Variants in ATXN3 observed in about 807,000 individuals in gnomAD.
ATXN3 encodes ataxin-3.
ATXN3 carries 28 observed loss-of-function variants against 58.2 expected under a neutral mutation model. The observed-to-expected ratio is 0.48, with a 90% CI of 0.36 to 0.66. The LOEUF (loss-of-function observed/expected upper bound fraction) is 0.66. ATXN3 is among the 30% of genes least tolerant of loss of function. The probability of loss-of-function intolerance (pLI) is 0.00; values close to 1 mark genes in which losing one functional copy is unlikely to be tolerated. For missense variants in ATXN3, 321 were observed against 422.1 expected (o/e 0.76, Z 2.10); for synonymous variants, 113 against 138.5 (o/e 0.82, Z 1.29).
At chr14:92,051,459 A>C (rs927137429), upstream of ATXN3, among the ~76,000 whole-genome samples, 1 of 151,512 alleles carries the variant, frequency 6.6e-6, no homozygotes, top group South Asian at 2.1e-4. Flanking sequence ...GCTCTACTCT[A>C]CTCTGATTAT....
intron 10 of ATXN3, among the ~76,000 whole-genome samples, chr14:92,069,796 T>C (rs1162000402): frequency 2.0e-5 from 3 of 152,220 alleles, no homozygotes; most frequent in African/African-American, 7.2e-5. Context: ...AATGCCAAAC[T>C]GTTTTCCAAA....
downstream of ATXN3, among the ~76,000 whole-genome samples, chr14:92,056,473 A>G (rs952343812): frequency 6.6e-6 from 1 of 152,206 alleles, no homozygotes; most frequent in Non-Finnish European, 1.5e-5. Flanking sequence ...TACAACATGG[A>G]TGAACCTTGA....
intron 6 of ATXN3, 36 bp from the exon 7 acceptor site, chr14:92,083,294 A>G: frequency 6.4e-7 from 1 of 1,564,524 alleles, no homozygotes; most frequent in Non-Finnish European, 8.7e-7. Context: ...CTAACCAGTT[A>G]GTAAAGAGAT....
At chr14:92,098,325 C>T (rs1438923325) in intron 1 of ATXN3, among the ~76,000 whole-genome samples, 1 of 152,072 alleles carries the variant, frequency 6.6e-6, no homozygotes, top group African/African-American at 2.4e-5. Flanking sequence ...TGGTGGCTCA[C>T]ACCTGTAATC....
chr14:92,066,523 G>A (rs531271792), intron 10 of ATXN3, among the ~76,000 whole-genome samples: 1 of 150,476 alleles, frequency 6.6e-6, no homozygotes, highest in Non-Finnish European at 1.5e-5. Flanking sequence ...GTCTCCTGAA[G>A]ACAAATCGTT....
chr14:92,053,118 C>T (rs887305151), upstream of ATXN3, among the ~76,000 whole-genome samples: 10 of 152,062 alleles, frequency 6.6e-5, no homozygotes, highest in African/African-American at 7.2e-5. Context: ...GGCATGGTGG[C>T]GCATGCCTGT....
At chr14:92,055,915 C>T (rs1270668825), downstream of ATXN3, among the ~76,000 whole-genome samples, 1 of 152,096 alleles carries the variant, frequency 6.6e-6, no homozygotes, top group African/African-American at 2.4e-5. The surrounding 1 kb of genome is among the most constrained non-coding windows in gnomAD (Gnocchi z 4.5). Context: ...GAGCCAAGAT[C>T]GTGCCACTGC....
At chr14:92,065,130 C>G (rs7143907) in intron 10 of ATXN3, among the ~76,000 whole-genome samples, 43,157 of 152,090 alleles carry the variant, frequency 0.28, 6,493 homozygotes, top group African/African-American at 0.39. Context: ...TACCCACTTT[C>G]TCTAACTAGT....
In ATXN3 at chr14:92,082,033, T is replaced by C. The variant is rs55730538; in HGVS notation, c.775+267A>G. On this transcript the variant is annotated intron_variant, in intron 8 of 10. Transcript: ENST00000644486. ...AAGGGTCAACTGATACCCACAAAGA[T>C]TAAAACCACAATTTACTATTGTGTT... Among the ~76,000 whole-genome samples the C allele has an allele frequency of 2.0e-3, 300 of 152,328 alleles. 3 individuals are homozygous for C. The highest frequency in any genetic ancestry group is 0.012 in the East Asian group (63 of 5,182).
intron 1 of ATXN3, among the ~76,000 whole-genome samples, chr14:92,097,516 A>C (rs1595964333): frequency 6.9e-6 from 1 of 145,162 alleles, no homozygotes; most frequent in African/African-American, 2.6e-5. Flanking sequence ...GTGAGCCGCC[A>C]CACCTGGCCA....
chr14:92,100,020 T>G (rs2066404362), intron 1 of ATXN3, among the ~76,000 whole-genome samples: 1 of 152,168 alleles, frequency 6.6e-6, no homozygotes, highest in Non-Finnish European at 1.5e-5. Context: ...GACAGTCAAA[T>G]GGCTATAAAG....
chr14:92,077,056 A>T (rs562809949), intron 9 of ATXN3, among the ~76,000 whole-genome samples: 2 of 152,184 alleles, frequency 1.3e-5, no homozygotes, highest in East Asian at 3.9e-4. Flanking sequence ...ATATCCTTTA[A>T]CCCAATAATC....
chr14:92,089,838 T>C (rs2063397198), intron 5 of ATXN3, among the ~76,000 whole-genome samples: 1 of 152,172 alleles, frequency 6.6e-6, no homozygotes, highest in South Asian at 2.1e-4. Flanking sequence ...CTACACAAAG[T>C]TTTCCCATTA....
chr14:92,105,391 G>C (rs1477024759), intron 1 of ATXN3, among the ~76,000 whole-genome samples: 1 of 152,118 alleles, frequency 6.6e-6, no homozygotes, highest in Admixed American at 6.5e-5. Context: ...ACACCTGCCT[G>C]GGTGACAGAA....
intron 1 of ATXN3, among the ~76,000 whole-genome samples, chr14:92,103,748 G>C (rs1267183908): frequency 6.6e-6 from 1 of 152,216 alleles, no homozygotes; most frequent in Non-Finnish European, 1.5e-5. Context: ...GGTACTCAAA[G>C]TGACTACTCA....
Position 92,061,585 on chromosome 14 carries a change from T to C in ATXN3, c.*2735A>G, listed in dbSNP as rs1339219811. 1 of 152,158 alleles carries C rather than the reference T, an allele frequency of 6.6e-6. No homozygotes were observed. The highest frequency in any genetic ancestry group is 2.4e-5 in the African/African-American group (1 of 41,430). The allele number at this position is 152,158 out of a possible 1,614,324, so 9.4% of individuals were successfully genotyped here. On this transcript the variant is annotated 3_prime_UTR_variant, in exon 11 of 11. Transcript: ENST00000644486. ...AAAATGATACCAATAGTTTAAATATTAAACATTAAGATGTTCCCAATTAGT... is the reference window on the plus strand; with the variant it reads ...AAAATGATACCAATAGTTTAAATATCAAACATTAAGATGTTCCCAATTAGT...
intron 9 of ATXN3, among the ~76,000 whole-genome samples, chr14:92,072,235 A>G (rs967676668): frequency 2.6e-5 from 4 of 152,218 alleles, no homozygotes; most frequent in African/African-American, 9.6e-5. Context: ...GAAAATATAC[A>G]CTGAACAACT....
chr14:92,056,051 G>A (rs573628502), downstream of ATXN3, among the ~76,000 whole-genome samples: 52 of 152,328 alleles, frequency 3.4e-4, 1 homozygote, highest in South Asian at 9.9e-3. Context: ...TTCAAACACA[G>A]CTTTTGGAAA....
chr14:92,074,469 G>C (rs370880141), intron 9 of ATXN3, among the ~76,000 whole-genome samples: 1 of 152,212 alleles, frequency 6.6e-6, no homozygotes, highest in Non-Finnish European at 1.5e-5. Flanking sequence ...CAGACTTCAT[G>C]TTCCCATCTC....
Sources: gnomAD v4.1 joint callset for allele counts (sites outside exome capture counted in the v4.1 genomes callset) on GRCh38, gnomAD v4.1.1 for gene constraint, Gnocchi (gnomAD v3.1) non-coding constraint, MANE v1.5 for transcripts, NCBI Gene and HGNC (gene_info 2026-07-23, HGNC 2026-07-21) for gene names.